HDX: variants seen among roughly 807,000 people sequenced by gnomAD.
HDX encodes the protein highly divergent homeobox.
Under a neutral mutation model 45.2 loss-of-function variants are expected in HDX, and 19 were observed. The ratio of observed to expected loss-of-function variants is 0.42; its 90% CI spans 0.29 to 0.62. The LOEUF (loss-of-function observed/expected upper bound fraction) is 0.62. Ranked by LOEUF, HDX falls within the 20% of genes least tolerant of loss-of-function variation. The pLI is 0.20. For missense variants in HDX, 532 were observed against 493.9 expected (o/e 1.08, Z -0.73); for synonymous variants, 188 against 172.8 (o/e 1.09, Z -0.69).
chrX:84,386,360 G>A (rs747935242), intron 5 of HDX, among the ~76,000 whole-genome samples: 2 of 110,461 alleles, frequency 1.8e-5, no homozygotes, highest in South Asian at 3.9e-4. Flanking sequence ...GGTAATGCTC[G>A]TTTCACAGGC....
At position 84,495,904 on chromosome X, in the gene HDX, A is replaced by C. The variant is rs781742522; in HGVS notation, c.-110+6438T>G. On this transcript the variant is annotated intron_variant, in intron 1 of 10. Transcript: ENST00000373177. ...GCCTTCTGGAACCATAAGATAATAA[A>C]TTTGGGTTGTTCTAGGGCAATAATT... Among the ~76,000 whole-genome samples the C allele has an allele frequency of 7.2e-5, 8 of 111,718 alleles. No individual in the cohort carries two copies. The South Asian group carries it at 3.0e-3, about 42-fold the overall frequency.
At position 84,336,133 on chromosome X, in the gene HDX, AG is replaced by A. The variant is rs748750974; in HGVS notation, c.1740+667del. Among the ~76,000 whole-genome samples, 295 of 111,140 alleles carry A rather than the reference AG, an allele frequency of 2.7e-3. 2 individuals are homozygous for A. Among genetic ancestry groups the A allele is most frequent in the African/African-American group, 9.3e-3 (285 of 30,778 alleles). On this transcript the variant is annotated intron_variant, in intron 8 of 10. Coordinates refer to ENST00000373177, the MANE Select transcript of HDX (RefSeq NM_001177479.2). Reference sequence around the variant, plus strand: ...TGACTCTTAATACCATCTTGATTATAGGGTTACTTGATAGGGCAGAATATAA... The same window carrying A: ...TGACTCTTAATACCATCTTGATTATAGGTTACTTGATAGGGCAGAATATAA...
intron 4 of HDX, among the ~76,000 whole-genome samples, chrX:84,466,742 T>G (rs1387393068): frequency 8.9e-6 from 1 of 111,735 alleles, no homozygotes; most frequent in Non-Finnish European, 1.9e-5. Context: ...ACAGTTGAAA[T>G]AGTTATGCTG....
At chrX:84,324,221 C>T (rs1353222876) in intron 10 of HDX, among the ~76,000 whole-genome samples, 1 of 111,330 alleles carries the variant, frequency 9.0e-6, no homozygotes, top group African/African-American at 3.3e-5. Context: ...CTGTGGACCA[C>T]ACATCTGACT....
At chrX:84,418,767 G>T (rs1470289642) in intron 5 of HDX, among the ~76,000 whole-genome samples, 1 of 111,253 alleles carries the variant, frequency 9.0e-6, no homozygotes, top group African/African-American at 3.3e-5. Context: ...GGGGGTGTGG[G>T]GGGGAAGGCA....
At chrX:84,404,828 T>A (rs1159615930) in intron 5 of HDX, among the ~76,000 whole-genome samples, 2 of 111,379 alleles carry the variant, frequency 1.8e-5, no homozygotes, top group African/African-American at 3.3e-5. Flanking sequence ...AACAATATCA[T>A]GAGATTTTCC....
intron 5 of HDX, among the ~76,000 whole-genome samples, chrX:84,428,334 C>A (rs1054506527): frequency 2.7e-5 from 3 of 110,559 alleles, no homozygotes; most frequent in Non-Finnish European, 3.8e-5. Context: ...TTTTTAATAA[C>A]TTTATTGAGT....
In HDX at chrX:84,406,572, T is replaced by A. The variant is rs748110205; in HGVS notation, c.1305+33960A>T. ...ATCTATATCTATCATCATCATCATC[T>A]AAATATACTATTATATATCCAGACA... On this transcript the variant is annotated intron_variant, in intron 5 of 10. Transcript: ENST00000373177. 4.6e-5 allele frequency among the ~76,000 whole-genome samples: 5 copies of A among 109,552 alleles called. 1 individual carries two copies. In the South Asian group the frequency reaches 2.0e-3, roughly 43 times the overall value.
At position 84,354,991 on chromosome X, in the gene HDX, G is replaced by GCA. The variant is rs778695191; in HGVS notation, c.1452+6473_1452+6474dup. 5.6e-3 allele frequency among the ~76,000 whole-genome samples: 229 copies of GCA among 40,779 alleles called. 1 individual carries two copies. The highest frequency in any genetic ancestry group is 0.02 in the African/African-American group (219 of 10,934). 35.4% of individuals were successfully genotyped at this position (40,779 alleles called of 115,157 possible). A position where few individuals can be genotyped will look rare whatever the true frequency, so the allele number is the denominator to read the frequency against. On this transcript the variant is annotated intron_variant, in intron 6 of 10. Transcript: ENST00000373177. ...TATATATACACATACATACACACAC[G>GCA]CACACACACACACATATATAGGCAT... is the stretch of plus-strand genomic sequence containing the variant.
intron 5 of HDX, among the ~76,000 whole-genome samples, chrX:84,373,827 C>T (rs1201884074): frequency 9.0e-6 from 1 of 111,245 alleles, no homozygotes; most frequent in African/African-American, 3.3e-5. Context: ...AAACTGGAAG[C>T]ATTCCCTTTG....
intron 5 of HDX, among the ~76,000 whole-genome samples, chrX:84,384,773 T>C (rs866903164): frequency 1.3e-4 from 15 of 111,408 alleles, no homozygotes; most frequent in African/African-American, 4.6e-4. Flanking sequence ...ACACCATTTA[T>C]TGAATAGGGA....
chrX:84,386,333 T>C (rs778757431), intron 5 of HDX, among the ~76,000 whole-genome samples: 1 of 110,887 alleles, frequency 9.0e-6, no homozygotes, highest in South Asian at 3.9e-4. Flanking sequence ...TGTGTCTCTG[T>C]CAGATTTTTG....
intron 5 of HDX, among the ~76,000 whole-genome samples, chrX:84,409,640 G>A (rs1292357250): frequency 6.2e-5 from 6 of 97,552 alleles, no homozygotes; most frequent in East Asian, 3.3e-4. Flanking sequence ...ACCAAACACC[G>A]CATGTTCTCA....
intron 4 of HDX, among the ~76,000 whole-genome samples, chrX:84,452,910 A>G (rs12836619): frequency 8.9e-6 from 1 of 112,199 alleles, no homozygotes; most frequent in Non-Finnish European, 1.9e-5. Flanking sequence ...ATTAGTGTAG[A>G]CAAAGATTTT....
chrX:84,478,020 A>G (rs73239190), intron 2 of HDX, among the ~76,000 whole-genome samples: 2,634 of 112,200 alleles, frequency 0.023, 113 homozygotes, highest in Admixed American at 0.16. Context: ...TTTAATTTCC[A>G]TGAATATCCA....
chrX:84,433,801 A>ATTC (rs1455701072), intron 5 of HDX, among the ~76,000 whole-genome samples: 1 of 111,489 alleles, frequency 9.0e-6, no homozygotes, highest in African/African-American at 3.3e-5. Flanking sequence ...AATGATATTA[A>ATTC]TTCTTCCAGT....
chrX:84,381,058 A>G (rs781013514), intron 5 of HDX, among the ~76,000 whole-genome samples: 5 of 111,478 alleles, frequency 4.5e-5, no homozygotes, highest in South Asian at 7.4e-4. Flanking sequence ...TGGCATTTCT[A>G]TATGTCAACA....
chrX:84,408,973 T>C (rs1375081022), intron 5 of HDX, among the ~76,000 whole-genome samples: 2 of 111,186 alleles, frequency 1.8e-5, no homozygotes, highest in Non-Finnish European at 3.8e-5. Context: ...ACAGAGTCTA[T>C]GGGGTTTTCT....
intron 5 of HDX, among the ~76,000 whole-genome samples, chrX:84,426,045 G>C (rs893020618): frequency 9.0e-6 from 1 of 110,700 alleles, no homozygotes; most frequent in African/African-American, 3.3e-5. Context: ...ATTAAGCATT[G>C]CATGCCTGTA....
Sources: gnomAD v4.1 joint callset for allele counts (sites outside exome capture counted in the v4.1 genomes callset) on GRCh38, gnomAD v4.1.1 for gene constraint, MANE v1.5 for transcripts, NCBI Gene and HGNC (gene_info 2026-07-23, HGNC 2026-07-21) for gene names.